Variants in KERA observed in about 807,000 individuals in gnomAD.
The protein encoded by KERA is keratan sulfate proteoglycan keratocan.
A neutral mutation model predicts 26.4 loss-of-function variants in KERA; 25 were observed. The observed-to-expected ratio is 0.95, with a 90% confidence interval of 0.69 to 1.32. The LOEUF (loss-of-function observed/expected upper bound fraction) is 1.32, where lower values mean the gene tolerates loss of function less well. Ranked by LOEUF, KERA falls within the 40% of genes most tolerant of loss-of-function variation. KERA has a pLI of 0.00. For synonymous variants in KERA, 167 were observed against 146.1 expected, an observed-to-expected ratio of 1.14 and a Z score of -1.03; for missense variants, 434 against 408.9, an observed-to-expected ratio of 1.06 and a Z score of -0.53.
At chr12:91,054,561 G>A (rs1241511968) in intron 2 of KERA, among the ~76,000 whole-genome samples, 2 of 150,962 alleles carry the variant, frequency 1.3e-5, no homozygotes, top group African/African-American at 4.9e-5. Context: ...TGTCTCTAAT[G>A]TGTCCAACAT....
rs145384644 is a variant in KERA at position 91,055,733 on chromosome 12, A to G, written c.549T>C (p.Phe183=). ...LQNNKLVDNA[F]QRDTFKGLKN... ...TGAGTCCTTTAAAAGTGTCTCTTTGAAAGGCATTGTCCACTAATTTGTTGT... is the reference window on the plus strand; with the variant it reads ...TGAGTCCTTTAAAAGTGTCTCTTTGGAAGGCATTGTCCACTAATTTGTTGT... Residue 183 remains phenylalanine, a synonymous_variant, in exon 2 of 3, where the codon TTT becomes TTC. Coordinates refer to ENST00000266719, the MANE Select transcript of KERA (RefSeq NM_007035.4). 1,827 of 1,611,426 alleles carry G rather than the reference A, an allele frequency of 1.1e-3. 3 individuals are homozygous for G. Among genetic ancestry groups the G allele is most frequent in the Non-Finnish European group, 1.4e-3 (1,644 of 1,178,240 alleles).
At chr12:91,056,338 T>C (rs1879005625) in intron 1 of KERA, 49 bp from the exon 2 acceptor site, 1 of 1,434,752 alleles carries the variant, frequency 7.0e-7, no homozygotes, top group Non-Finnish European at 9.8e-7. Context: ...TCTTGACCTT[T>C]AGATAATTTT....
rs772992426 is a variant in KERA, at chr12:91,055,927, G to T, written c.355C>A (p.Gln119Lys). The change falls in exon 2 of 3, where the codon CAG becomes AAG. Residue 119 changes from glutamine to lysine, a missense_variant. Coordinates refer to ENST00000266719, the MANE Select transcript of KERA (RefSeq NM_007035.4). ...AATAAGAAGAGCAACTTCTTCAGCTGGCTTAGGGCTCCTTTTTCAATTCCG... is the reference window on the plus strand; with the variant it reads ...AATAAGAAGAGCAACTTCTTCAGCTTGCTTAGGGCTCCTTTTTCAATTCCG... Reference protein sequence around the residue: ...NYGIEKGALSQLKKLLFLFLE... With the variant: ...NYGIEKGALSKLKKLLFLFLE... The T allele has an allele frequency of 6.2e-7, 1 of 1,611,084 alleles. No homozygotes were observed. Among genetic ancestry groups the T allele is most frequent in the African/African-American group, 1.3e-5 (1 of 74,720 alleles).
In KERA at chr12:91,055,478, T is replaced by C. The variant is rs35703640; in HGVS notation, c.804A>G (p.Gln268=). Residue 268 remains glutamine, a synonymous_variant, in exon 2 of 3, where the codon CAA becomes CAG. Coordinates refer to ENST00000266719, the MANE Select transcript of KERA (RefSeq NM_007035.4). ...CCTTTGTGAGTTGATTGTGCGACAG[T>C]TGAAGATCTAGAATTGATGATACAT... ...GFDVSSILDL[Q]LSHNQLTKVP... The C allele has an allele frequency of 6.1e-5, 98 of 1,610,174 alleles. No individual in the cohort carries two copies. Among genetic ancestry groups the C allele is most frequent in the Non-Finnish European group, 7.9e-5 (93 of 1,177,682 alleles).
chr12:91,055,995 TG>T lies in KERA; in HGVS notation c.286del (p.Gln96SerfsTer2), dbSNP rs756325200. 1 of 1,610,752 alleles carries T rather than the reference TG, an allele frequency of 6.2e-7. No individual in the cohort carries two copies. The highest frequency in any genetic ancestry group is 1.1e-5 in the South Asian group (1 of 90,932). On this transcript the variant is annotated frameshift_variant, in exon 2 of 3. Transcript: ENST00000266719. LOFTEE classifies it high-confidence loss of function. ...IPEKPFENAT[Q>X]LRWINLNKNK... is the part of the protein sequence containing the mutation. ...CTTGTTTAGATTTATCCATCTTAGCTGGGTGGCATTCTCAAATGGCTTTTCA... is the reference window on the plus strand; with the variant it reads ...CTTGTTTAGATTTATCCATCTTAGCTGGTGGCATTCTCAAATGGCTTTTCA...
chr12:91,052,191 C>A (rs1023747304), intron 2 of KERA, among the ~76,000 whole-genome samples: 1 of 151,438 alleles, frequency 6.6e-6, no homozygotes, highest in Non-Finnish European at 1.5e-5. Context: ...ATCCCAGCAG[C>A]CTTTTCATAT....
At position 91,050,674 on chromosome 12, in the gene KERA, A is replaced by G. The variant is rs1878843237; in HGVS notation, c.*672T>C. On this transcript the variant is annotated 3_prime_UTR_variant, in exon 3 of 3. Transcript: ENST00000266719. Reference sequence around the variant, plus strand: ...TAAGATTCCACAAGAAATGCATTATAATAAACATAAAATTTAGAACTTATA... The same window carrying G: ...TAAGATTCCACAAGAAATGCATTATGATAAACATAAAATTTAGAACTTATA... 6.6e-6 allele frequency: 1 copy of G among 152,134 alleles called. No homozygotes were observed. Among genetic ancestry groups the G allele is most frequent in the South Asian group, 2.1e-4 (1 of 4,828 alleles). 9.4% of individuals were successfully genotyped at this position (152,134 alleles called of 1,614,324 possible).
chr12:91,057,375 TA>T (rs1167482042), intron 1 of KERA, among the ~76,000 whole-genome samples: 45 of 306 alleles, frequency 0.15, no homozygotes, highest in East Asian at 0.33. Context: ...CATATATATT[TA>T]TATATATATA....
At chr12:91,053,511 T>C (rs1878915535) in intron 2 of KERA, among the ~76,000 whole-genome samples, 1 of 151,212 alleles carries the variant, frequency 6.6e-6, no homozygotes, top group African/African-American at 2.4e-5. Flanking sequence ...GATTAAATAG[T>C]AGTTCTCAAA....
At chr12:91,054,440 G>C (rs900333077) in intron 2 of KERA, among the ~76,000 whole-genome samples, 6 of 151,268 alleles carry the variant, frequency 4.0e-5, no homozygotes, top group African/African-American at 1.2e-4. Flanking sequence ...TCTACTCTGA[G>C]TTTGAAGATG....
chr12:91,054,380 A>AT (rs1281397754), intron 2 of KERA, among the ~76,000 whole-genome samples: 1 of 151,282 alleles, frequency 6.6e-6, no homozygotes, highest in Non-Finnish European at 1.5e-5. Context: ...TTTGGAATGC[A>AT]TTTTCTTAGG....
intron 2 of KERA, among the ~76,000 whole-genome samples, chr12:91,053,245 T>A (rs1429474800): frequency 2.0e-5 from 3 of 151,384 alleles, no homozygotes; most frequent in Admixed American, 6.6e-5. Context: ...AATGACAAAA[T>A]TTGATATCTA....
At position 91,055,780 on chromosome 12, in the gene KERA, G is replaced by T. The variant is rs1035688652; in HGVS notation, c.502C>A (p.Leu168Met). The change falls in exon 2 of 3, where the codon CTG becomes ATG. Residue 168 changes from leucine to methionine, a missense_variant. Physicochemically the swap from Leu to Met is conservative, Grantham distance 15. Transcript: ENST00000266719. ...PQGTFSNLEN[L>M]TLLDLQNNKL... is the part of the protein sequence containing the mutation. The stretch of plus-strand genomic sequence containing the variant: ...TTGTTCTGTAGGTCAAGAAGGGTCA[G>T]GTTCTCCAGATTGCTAAAGGTCCCT... 1.2e-6 allele frequency: 2 copies of T among 1,611,366 alleles called. No homozygotes were observed. The highest frequency in any genetic ancestry group is 1.7e-6 in the Non-Finnish European group (2 of 1,178,230).
intron 2 of KERA, among the ~76,000 whole-genome samples, chr12:91,053,669 T>A (rs1455172133): frequency 1.3e-5 from 2 of 151,290 alleles, no homozygotes; most frequent in African/African-American, 4.8e-5. Flanking sequence ...ACACTCAGAT[T>A]TGAGAACGAT....
intron 2 of KERA, among the ~76,000 whole-genome samples, chr12:91,051,771 G>A (rs1878873558): frequency 6.6e-6 from 1 of 151,610 alleles, no homozygotes; most frequent in Non-Finnish European, 1.5e-5. Flanking sequence ...AGGAAATACT[G>A]TTAAGATCTG....
At chr12:91,057,586 C>T (rs11105959) in intron 1 of KERA, among the ~76,000 whole-genome samples, 158 bp downstream of exon 1, 38 of 149,938 alleles carry the variant, frequency 2.5e-4, no homozygotes, top group Admixed American at 1.4e-3. Context: ...GATTGCAGAA[C>T]GCTGCTCTGG....
chr12:91,056,814 G>A (rs1398541480), intron 1 of KERA, among the ~76,000 whole-genome samples: 2 of 151,082 alleles, frequency 1.3e-5, no homozygotes, highest in East Asian at 3.9e-4. Context: ...TTATGGTGAA[G>A]GAAGGTTCTA....
intron 1 of KERA, among the ~76,000 whole-genome samples, chr12:91,056,830 T>C (rs1407231518): frequency 1.3e-5 from 2 of 151,122 alleles, no homozygotes; most frequent in Non-Finnish European, 3.0e-5. Context: ...TTCTAGGATC[T>C]GAATAAAAAT....
rs527407560 is a variant in KERA, at chr12:91,056,057, A to G, written c.225T>C (p.Tyr75=). The G allele has an allele frequency of 1.9e-6, 3 of 1,608,504 alleles. No homozygotes were observed. In the African/African-American group the frequency reaches 4.0e-5, roughly 22 times the overall value. The change falls in exon 2 of 3, where the codon TAT becomes TAC. Residue 75 remains tyrosine, a synonymous_variant. Transcript: ENST00000266719. ...CTATCAGGTTGTTTTGAAGATAAAG[A>G]TACCAAATTCTTGAAGGAATAGCAG... ...EIPAIPSRIW[Y]LYLQNNLIET... is the part of the protein sequence containing the mutation.
Sources: gnomAD v4.1 joint callset for allele counts (sites outside exome capture counted in the v4.1 genomes callset) on GRCh38, gnomAD v4.1.1 for gene constraint, MANE v1.5 for transcripts, NCBI Gene and HGNC (gene_info 2026-07-23, HGNC 2026-07-21) for gene names.